The following STRA6 variants were observed in gnomAD, a reference collection of about 807,000 sequenced individuals.
The protein encoded by STRA6 is receptor for retinol uptake STRA6.
Under a neutral mutation model 83.6 loss-of-function variants are expected in STRA6, and 48 were observed. That is an observed-to-expected ratio of 0.57 (90% CI 0.46 to 0.73). The LOEUF (loss-of-function observed/expected upper bound fraction) is 0.73, where lower values mean the gene tolerates loss of function less well. STRA6 is among the 30% of genes least tolerant of loss of function. The pLI is 0.00. For missense variants in STRA6, 760 were observed against 838.8 expected (o/e 0.91, Z 1.16); for synonymous variants, 353 against 362.3 (o/e 0.97, Z 0.29).
Position 74,179,904 on chromosome 15 carries a change from GCAGAGCCCTCCTGAGGCTCCCA to G in STRA6, c.*154_*175del. ...GCTCTCCCATAGCCAAGTGGGTGGAGCAGAGCCCTCCTGAGGCTCCCAGTGCAGACAGACCTCCACCCAACCA... is the reference window on the plus strand; with the variant it reads ...GCTCTCCCATAGCCAAGTGGGTGGAGGTGCAGACAGACCTCCACCCAACCA... On this transcript the variant is annotated 3_prime_UTR_variant, in exon 19 of 19. Transcript: ENST00000395105. 1.2e-6 allele frequency: 1 copy of G among 827,142 alleles called. No homozygotes were observed. Among genetic ancestry groups the G allele is most frequent in the Non-Finnish European group, 1.9e-6 (1 of 532,812 alleles). 51.2% of individuals were successfully genotyped at this position (827,142 alleles called of 1,614,324 possible). A position where few individuals can be genotyped will look rare whatever the true frequency, so the allele number is the denominator to read the frequency against.
In STRA6 at chr15:74,182,396, C is replaced by T; in HGVS notation, c.1365G>A (p.Met455Ile). ...GTTALAFLVL[M>I]PVLHGRNLLL... ...GGAGGTTCCTGCCATGGAGCACAGG[C>T]ATGAGCACCAGGAAGGCCAGGGCCG... Residue 455 changes from methionine to isoleucine, a missense_variant, in exon 15 of 19, where the codon ATG (methionine) becomes ATA (isoleucine). Transcript: ENST00000395105. 6.2e-7 allele frequency: 1 copy of T among 1,613,652 alleles called. No homozygotes were observed. The highest frequency in any genetic ancestry group is 1.1e-5 in the South Asian group (1 of 90,984).
upstream of STRA6, chr15:74,209,422 C>A (rs557196110): frequency 1.2e-5 from 19 of 1,535,624 alleles, no homozygotes; most frequent in African/African-American, 2.3e-4. Flanking sequence ...AGAGGGGAAC[C>A]ACCAGCTCGG....
chr15:74,199,393 C>G (rs558332888), intron 2 of STRA6, among the ~76,000 whole-genome samples: 2 of 114,708 alleles, frequency 1.7e-5, no homozygotes, highest in Admixed American at 1.6e-4. Context: ...GAACTGGGAT[C>G]GTGAGTAGCA....
upstream of STRA6, chr15:74,203,115 G>T (rs2074161589): frequency 1.0e-6 from 1 of 985,500 alleles, no homozygotes; most frequent in Non-Finnish European, 1.2e-6. Flanking sequence ...CGGACCGCTG[G>T]GGCTGGGCTG....
intron 18 of STRA6, among the ~76,000 whole-genome samples, chr15:74,180,497 C>T (rs1595819344): frequency 1.3e-5 from 2 of 152,170 alleles, no homozygotes; most frequent in Non-Finnish European, 2.9e-5. Flanking sequence ...AAGGAGGAGT[C>T]ATACTCCCTG....
chr15:74,198,017 C>G (rs1009778870), intron 2 of STRA6, among the ~76,000 whole-genome samples, 199 bp from the exon 3 acceptor site: 3 of 152,164 alleles, frequency 2.0e-5, no homozygotes, highest in African/African-American at 7.2e-5. Flanking sequence ...TGTGCCAGCC[C>G]CATGCCAAGC....
chr15:74,203,383 G>A (rs2074171417), upstream of STRA6, among the ~76,000 whole-genome samples: 1 of 152,184 alleles, frequency 6.6e-6, no homozygotes, highest in South Asian at 2.1e-4. Flanking sequence ...CCAGGGAGGA[G>A]GGCTCCTCCG....
intron 2 of STRA6, 176 bp from the exon 3 acceptor site, chr15:74,197,994 C>T (rs866679344): frequency 1.7e-5 from 12 of 690,030 alleles, no homozygotes; most frequent in Middle Eastern, 2.5e-4. Context: ...CTGGGGCCCT[C>T]GTGTCCCTGT....
At chr15:74,190,315 T>C (rs1372343407) in intron 11 of STRA6, among the ~76,000 whole-genome samples, 2 of 152,198 alleles carry the variant, frequency 1.3e-5, no homozygotes, top group East Asian at 1.9e-4. Context: ...GTGCAGAAAC[T>C]TGGCCAAGTC....
chr15:74,195,568 C>G, intron 6 of STRA6, 84 bp downstream of exon 6: 1 of 1,569,296 alleles, frequency 6.4e-7, no homozygotes, highest in Non-Finnish European at 8.6e-7. Flanking sequence ...GCTTCCAAGC[C>G]CTTCAGCACG....
Position 74,182,345 on chromosome 15 carries a change from C to G in STRA6, c.1416G>C (p.Ser472=). ...NLLLFRSLES[S]WPFWLTLALA... ...CCTCCATGTCTTGTTTCACTCACCA[C>G]GAGGACTCCAGGGAACGGAAGAGCA... Residue 472 remains serine (S), a splice_region_variant and synonymous_variant, in exon 15 of 19, where the codon TCG becomes TCC. Coordinates refer to ENST00000395105, the MANE Select transcript of STRA6 (RefSeq NM_022369.4). 3 of 1,614,066 alleles carry G rather than the reference C, an allele frequency of 1.9e-6. No homozygotes were observed. Among genetic ancestry groups the G allele is most frequent in the South Asian group, 2.2e-5 (2 of 91,076 alleles).
chr15:74,195,694 C>T lies in STRA6; in HGVS notation c.407-19G>A. ...TTCCCATCTGTAAAATGAAAATAAT[C>T]ACAGTATATTAGCAAGGGCAAAATG... is the stretch of plus-strand genomic sequence containing the variant. On this transcript the variant is annotated intron_variant, in intron 5 of 18. Transcript: ENST00000395105. 7.8e-7 allele frequency: 1 copy of T among 1,275,474 alleles called. No individual in the cohort carries two copies. Among genetic ancestry groups the T allele is most frequent in the Non-Finnish European group, 1.1e-6 (1 of 895,506 alleles). The allele number at this position is 1,275,474 out of a possible 1,614,324, so 79.0% of individuals were successfully genotyped here.
At position 74,186,613 on chromosome 15, in the gene STRA6, A is replaced by G. The variant is rs148772178; in HGVS notation, c.1091-1558T>C. Reference sequence around the variant, plus strand: ...ACAGAATGAGACTCCGTCTCAAAACAAAACAAAATTAGCCGGGCCTGGTGG... The same window carrying G: ...ACAGAATGAGACTCCGTCTCAAAACGAAACAAAATTAGCCGGGCCTGGTGG... On this transcript the variant is annotated intron_variant, in intron 12 of 18. Coordinates refer to ENST00000395105, the MANE Select transcript of STRA6 (RefSeq NM_022369.4). Among the ~76,000 whole-genome samples the G allele has an allele frequency of 3.7e-3, 556 of 152,220 alleles. 3 individuals carry two copies. Among genetic ancestry groups the G allele is most frequent in the African/African-American group, 0.011 (472 of 41,540 alleles).
chr15:74,199,333 G>C (rs1595860072), intron 2 of STRA6, among the ~76,000 whole-genome samples: 1 of 152,332 alleles, frequency 6.6e-6, no homozygotes, highest in Non-Finnish European at 1.5e-5. Context: ...GGCAGAGTAA[G>C]TCAGCTCTGG....
At chr15:74,202,558 C>A in intron 1 of STRA6, 155 bp downstream of exon 1, 1 of 1,479,718 alleles carries the variant, frequency 6.8e-7, no homozygotes, top group Non-Finnish European at 8.9e-7. Flanking sequence ...CCTTGGGGCC[C>A]CGGGGCTCCC....
In STRA6 at chr15:74,180,126, A is replaced by T; in HGVS notation, c.1958T>A (p.Val653Asp). The T allele has an allele frequency of 6.2e-7, 1 of 1,613,596 alleles. No homozygotes were observed. Among genetic ancestry groups the T allele is most frequent in the East Asian group, 2.2e-5 (1 of 44,838 alleles). ...YTLLHNPTLQ[V>D]FRKTALLGAN... Reference sequence around the variant, plus strand: ...ACCCAACAGGGCCGTCTTGCGGAAGACCTGCAGGGTTGGGTTGTGCAGCAG... The same window carrying T: ...ACCCAACAGGGCCGTCTTGCGGAAGTCCTGCAGGGTTGGGTTGTGCAGCAG... Residue 653 changes from valine to aspartate, a missense_variant, in exon 19 of 19, where the codon GTC becomes GAC. Val to Asp is a radical substitution (Grantham distance 152). Coordinates refer to ENST00000395105, the MANE Select transcript of STRA6 (RefSeq NM_022369.4).
At chr15:74,195,873 G>A (rs995199315) in intron 5 of STRA6, 135 bp downstream of exon 5, 21 of 1,311,836 alleles carry the variant, frequency 1.6e-5, no homozygotes, top group African/African-American at 8.8e-5. Flanking sequence ...AAAAGGTCAC[G>A]TCTCAGGATA....
chr15:74,201,639 A>G (rs2074069880), intron 2 of STRA6, among the ~76,000 whole-genome samples: 1 of 152,044 alleles, frequency 6.6e-6, no homozygotes, highest in Non-Finnish European at 1.5e-5. Flanking sequence ...CCATCCAAAG[A>G]CAACAAGGGT....
In STRA6 at chr15:74,190,403, T is replaced by A. The variant is rs60263306; in HGVS notation, c.927+437A>T. On this transcript the variant is annotated intron_variant, in intron 11 of 18. Transcript: ENST00000395105. ...CATACCCATCTCCCAGGATTTTAATTGTTGTTGTTGGTTTTTTCGGGGTTT... is the reference window on the plus strand; with the variant it reads ...CATACCCATCTCCCAGGATTTTAATAGTTGTTGTTGGTTTTTTCGGGGTTT... Among the ~76,000 whole-genome samples the A allele has an allele frequency of 5.9e-5, 9 of 151,358 alleles. No homozygotes were observed. The East Asian group carries it at 1.7e-3, about 29-fold the overall frequency.
Sources: allele counts gnomAD v4.1 joint callset (sites outside exome capture counted in the v4.1 genomes callset), GRCh38; gene constraint gnomAD v4.1.1; transcripts MANE v1.5; gene names NCBI Gene and HGNC (gene_info 2026-07-23, HGNC 2026-07-21).